DOCK8: variants seen among roughly 807,000 people sequenced by gnomAD.
DOCK8 encodes dedicator of cytokinesis protein 8.
A neutral mutation model predicts 245.6 loss-of-function variants in DOCK8; 141 were observed. The ratio of observed to expected loss-of-function variants is 0.57; its 90% CI spans 0.50 to 0.66. DOCK8 has a LOEUF of 0.66. DOCK8 is among the 30% of genes least tolerant of loss of function. DOCK8 has a pLI of 0.00. For missense variants in DOCK8, 2,965 were observed against 2,603.4 expected, an observed-to-expected ratio of 1.14 and a Z score of -3.02; for synonymous variants, 1,168 against 970.2, an observed-to-expected ratio of 1.20 and a Z score of -3.79.
At chr9:408,563 A>G (rs897178331) in intron 28 of DOCK8, among the ~76,000 whole-genome samples, 3 of 152,262 alleles carry the variant, frequency 2.0e-5, no homozygotes, top group African/African-American at 4.8e-5. Flanking sequence ...ACTTATGCTA[A>G]TAAGTAAGAT....
In DOCK8 at chr9:340,225, T is replaced by A. The variant is rs760819018; in HGVS notation, c.1583T>A (p.Leu528Gln). The A allele has an allele frequency of 4.3e-6, 7 of 1,614,200 alleles. No homozygotes were observed. The Admixed American group carries it at 1.2e-4, about 27-fold the overall frequency. ...IINCCLTPEM[L>Q]PVKPFPENRT... ...AATTGCTGTCTGACTCCTGAAATGC[T>A]GCCCGTGAAACCCTTTCCTGAAAAC... The change falls in exon 14 of 48, where the codon CTG becomes CAG. Residue 528 changes from leucine to glutamine, a missense_variant. Physicochemically the swap from Leu to Gln is moderately radical, Grantham distance 113. Coordinates refer to ENST00000432829, the MANE Select transcript of DOCK8 (RefSeq NM_203447.4).
chr9:372,194 A>T lies in DOCK8; in HGVS notation c.2017A>T (p.Ile673Phe), dbSNP rs372858877. The T allele has an allele frequency of 1.1e-4, 182 of 1,613,978 alleles. No homozygotes were observed. The highest frequency in any genetic ancestry group is 6.6e-4 in the Middle Eastern group (4 of 6,062). The change falls in exon 18 of 48, where the codon ATT (isoleucine) becomes TTT (phenylalanine). Residue 673 changes from isoleucine to phenylalanine, a missense_variant. By Grantham distance (21) the Ile-to-Phe change is conservative (BLOSUM62 0). Transcript: ENST00000432829. ...ACATCATCTGTTTCAGTGGCTGCCAATTCTCTTAAATGAACGTCTTCAAAC... is the reference window on the plus strand; with the variant it reads ...ACATCATCTGTTTCAGTGGCTGCCATTTCTCTTAAATGAACGTCTTCAAAC... The part of the protein sequence containing the change: ...ETLLGYSWLP[I>F]LLNERLQTGS...
intron 1 of DOCK8, among the ~76,000 whole-genome samples, chr9:261,348 G>A (rs1447434202): frequency 1.3e-5 from 2 of 151,998 alleles, no homozygotes; most frequent in African/African-American, 2.4e-5. Flanking sequence ...ACTTAGCCCA[G>A]GCACATAAAT....
rs1285156919 is a variant in DOCK8 at position 355,182 on chromosome 9, TGTTTC to T, written c.1680-12835_1680-12831del. On this transcript the variant is annotated intron_variant, in intron 14 of 47. Transcript: ENST00000432829. ...TGTTCCCATCAGACTGGTGTATTTC[TGTTTC>T]TTTTCTTTTTTTTTTTTTTTTTTTT... Among the ~76,000 whole-genome samples the T allele has an allele frequency of 7.1e-3, 324 of 45,586 alleles. 19 individuals carry two copies. Among genetic ancestry groups the T allele is most frequent in the East Asian group, 0.035 (66 of 1,878 alleles). 29.9% of individuals were successfully genotyped at this position (45,586 alleles called of 152,430 possible).
chr9:386,244 A>T (rs1197075778), intron 22 of DOCK8, 87 bp from the exon 23 acceptor site: 11 of 1,145,182 alleles, frequency 9.6e-6, no homozygotes, highest in Non-Finnish European at 1.2e-5. Context: ...ATGTATAAAA[A>T]AATGAATTCT....
At chr9:406,909 T>C (rs1407787230) in intron 27 of DOCK8, 21 bp from the exon 28 acceptor site, 1 of 1,614,092 alleles carries the variant, frequency 6.2e-7, no homozygotes, top group Admixed American at 1.7e-5. Context: ...GCTCATAAAA[T>C]GGCTCCTTAC....
intron 45 of DOCK8, among the ~76,000 whole-genome samples, chr9:450,730 A>C (rs1186605476): frequency 6.6e-6 from 1 of 152,084 alleles, no homozygotes; most frequent in African/African-American, 2.4e-5. Flanking sequence ...GATCAGGAAA[A>C]AAAAATGAGG....
Position 371,540 on chromosome 9 carries a change from TC to T in DOCK8, c.1983del (p.Val662TrpfsTer14). 6.2e-7 allele frequency: 1 copy of T among 1,614,204 alleles called. No individual in the cohort carries two copies. Among genetic ancestry groups the T allele is most frequent in the Non-Finnish European group, 8.5e-7 (1 of 1,180,020 alleles). On this transcript the variant is annotated frameshift_variant, in exon 17 of 48. Transcript: ENST00000432829. LOFTEE classifies it high-confidence loss of function. ...HISCQQKQGA[S>X]VETLLGYSWL... ...CAGCTGTCAGCAGAAGCAAGGAGCC[TC>T]CGTGGAAACTCTCCTGGGATATTCA...
intron 1 of DOCK8, among the ~76,000 whole-genome samples, chr9:236,895 C>A (rs976542435): frequency 7.9e-5 from 12 of 152,216 alleles, no homozygotes; most frequent in Non-Finnish European, 1.6e-4. Flanking sequence ...GCACCCAATT[C>A]TTAAATACCT....
rs184600302 is a variant in DOCK8, at chr9:365,744, A to G, written c.1680-2274A>G. 24 of 428,932 alleles carry G rather than the reference A, an allele frequency of 5.6e-5. 1 individual carries two copies. Among genetic ancestry groups the G allele is most frequent in the Admixed American group, 2.0e-4 (7 of 34,232 alleles). 26.6% of individuals were successfully genotyped at this position (428,932 alleles called of 1,614,324 possible). A position where few individuals can be genotyped will look rare whatever the true frequency, so the allele number is the denominator to read the frequency against. The stretch of plus-strand genomic sequence containing the variant: ...ATTCAAATCTCAGCTCTCTGCCTCC[A>G]GAGAGAACACCCTCAATCCCGCTTA... On this transcript the variant is annotated intron_variant, in intron 14 of 47. Transcript: ENST00000432829.
Position 390,548 on chromosome 9 carries a change from G to A in DOCK8, c.2952G>A (p.Trp984Ter), listed in dbSNP as rs1563999041. The change falls in exon 24 of 48, where the codon TGG (tryptophan) becomes TGA (stop). Residue 984 changes from tryptophan to a stop codon, truncating the protein, a stop_gained. Coordinates refer to ENST00000432829, the MANE Select transcript of DOCK8 (RefSeq NM_203447.4). LOFTEE classifies it high-confidence loss of function. ...MVRETVFKYA[W>*]FFFELLVKSM... ...GAGAAACAGTCTTCAAGTATGCCTG[G>A]TTCTTCTTTGAGCTTCTGGTGAGAT... 2 of 1,614,166 alleles carry A rather than the reference G, an allele frequency of 1.2e-6. No homozygotes were observed. The highest frequency in any genetic ancestry group is 4.5e-5 in the East Asian group (2 of 44,890).
At chr9:420,739 C>A (rs2056242132) in intron 31 of DOCK8, among the ~76,000 whole-genome samples, 156 bp downstream of exon 31, 1 of 152,196 alleles carries the variant, frequency 6.6e-6, no homozygotes, top group South Asian at 2.1e-4. Flanking sequence ...TAGATATGAT[C>A]ATTTCACAGG....
At chr9:382,268 C>A (rs149794029) in intron 21 of DOCK8, among the ~76,000 whole-genome samples, 1 of 152,316 alleles carries the variant, frequency 6.6e-6, no homozygotes, top group East Asian at 1.9e-4. Flanking sequence ...GTACCCCCTG[C>A]CTTTGTAAGA....
chr9:388,547 T>G (rs549748363), intron 23 of DOCK8, among the ~76,000 whole-genome samples: 3 of 151,246 alleles, frequency 2.0e-5, no homozygotes, highest in East Asian at 3.9e-4. Flanking sequence ...CTGGACTCTG[T>G]GGGTAATTTT....
intron 5 of DOCK8, among the ~76,000 whole-genome samples, chr9:307,932 G>A (rs1233116960): frequency 6.6e-6 from 1 of 152,158 alleles, no homozygotes; most frequent in Non-Finnish European, 1.5e-5. Flanking sequence ...TGAGTCTAGA[G>A]GATAAGTGAA....
At chr9:316,300 A>G (rs1386004291) in intron 6 of DOCK8, among the ~76,000 whole-genome samples, 1 of 151,854 alleles carries the variant, frequency 6.6e-6, no homozygotes, top group East Asian at 1.9e-4. Flanking sequence ...AAGGATTTGC[A>G]CTACTTATTT....
intron 26 of DOCK8, among the ~76,000 whole-genome samples, chr9:399,500 G>A (rs575143560): frequency 2.7e-5 from 4 of 149,098 alleles, no homozygotes; most frequent in Admixed American, 2.0e-4. Context: ...TTCATCTGTG[G>A]GAATTAAAAT....
At chr9:375,906 A>T (rs1414174471) in intron 18 of DOCK8, among the ~76,000 whole-genome samples, 1 of 152,168 alleles carries the variant, frequency 6.6e-6, no homozygotes, top group Non-Finnish European at 1.5e-5. Flanking sequence ...CTGAGACGGG[A>T]GGATCATTTG....
intron 14 of DOCK8, among the ~76,000 whole-genome samples, chr9:355,302 C>G (rs1209533886): frequency 6.7e-6 from 1 of 148,942 alleles, no homozygotes; most frequent in African/African-American, 2.5e-5. Context: ...CTTCCTGGTA[C>G]AAGCGATTCC....
Sources: allele counts gnomAD v4.1 joint callset (sites outside exome capture counted in the v4.1 genomes callset), GRCh38; gene constraint gnomAD v4.1.1; transcripts MANE v1.5; gene names NCBI Gene and HGNC (gene_info 2026-07-23, HGNC 2026-07-21).